NR6A1: variants seen among roughly 807,000 people sequenced by gnomAD.
NR6A1 encodes the protein retinoic acid receptor-related testis-associated receptor.
In NR6A1, 7 loss-of-function variants were observed where a neutral mutation model predicts 59.1. That is an observed-to-expected ratio of 0.12 (90% CI 0.07 to 0.22). The LOEUF (loss-of-function observed/expected upper bound fraction) is 0.22. NR6A1 is among the 10% of genes least tolerant of loss of function. NR6A1 has a pLI of 1.00. For missense variants in NR6A1, 468 were observed against 611.6 expected (o/e 0.77, Z 2.48); for synonymous variants, 243 against 236.1 (o/e 1.03, Z -0.27).
At chr9:124,646,525 A>T (rs1836933881) in intron 2 of NR6A1, among the ~76,000 whole-genome samples, 1 of 152,214 alleles carries the variant, frequency 6.6e-6, no homozygotes, top group Admixed American at 6.5e-5. Context: ...TAATGAATGA[A>T]TAAGTCTATG....
At chr9:124,769,421 G>A (rs1841044412) in intron 1 of NR6A1, among the ~76,000 whole-genome samples, 1 of 152,106 alleles carries the variant, frequency 6.6e-6, no homozygotes, top group African/African-American at 2.4e-5. Flanking sequence ...ATGAAGGCAC[G>A]GATCCAACCC....
intron 2 of NR6A1, among the ~76,000 whole-genome samples, chr9:124,565,183 C>CT (rs1179130521): frequency 6.6e-6 from 1 of 152,098 alleles, no homozygotes; most frequent in African/African-American, 2.4e-5. Context: ...AATCCCAGCA[C>CT]TTTGGGAGGC....
intron 4 of NR6A1, among the ~76,000 whole-genome samples, chr9:124,542,838 G>A (rs1054597879): frequency 2.6e-5 from 4 of 152,164 alleles, no homozygotes; most frequent in African/African-American, 4.8e-5. Flanking sequence ...GATTACAGGC[G>A]TGTGCCACTG....
At chr9:124,622,028 A>G (rs1290265339) in intron 2 of NR6A1, among the ~76,000 whole-genome samples, 1 of 152,192 alleles carries the variant, frequency 6.6e-6, no homozygotes, top group Non-Finnish European at 1.5e-5. Flanking sequence ...AGCCTGGGAA[A>G]CATGGTGAAA....
chr9:124,692,040 A>G (rs976563681), intron 2 of NR6A1, among the ~76,000 whole-genome samples: 1 of 152,188 alleles, frequency 6.6e-6, no homozygotes, highest in African/African-American at 2.4e-5. Flanking sequence ...GCTCCTGGCA[A>G]TGTAACTTTA....
chr9:124,619,614 A>G (rs1836003351), intron 2 of NR6A1, among the ~76,000 whole-genome samples: 1 of 152,164 alleles, frequency 6.6e-6, no homozygotes, highest in South Asian at 2.1e-4. Context: ...GTCTAGAACC[A>G]GAGTATACAT....
chr9:124,723,422 G>C (rs1049784753), intron 2 of NR6A1, among the ~76,000 whole-genome samples: 2 of 152,220 alleles, frequency 1.3e-5, no homozygotes, highest in African/African-American at 2.4e-5. Context: ...AGATGGTAAA[G>C]AAGTCCCGAC....
rs544822660 is a variant in NR6A1 at position 124,589,303 on chromosome 9, G to A, written c.143-34733C>T. The stretch of plus-strand genomic sequence containing the variant: ...CTACTAAAAACACAAAAAATTAGCC[G>A]GGCGCGGTGGCGGGCGCCTGTAGTC... On this transcript the variant is annotated intron_variant, in intron 2 of 9. Coordinates refer to ENST00000487099, the MANE Select transcript of NR6A1 (RefSeq NM_033334.4). 1.2e-3 allele frequency among the ~76,000 whole-genome samples: 190 copies of A among 152,166 alleles called. 1 individual carries two copies. The highest frequency in any genetic ancestry group is 1.8e-3 in the Non-Finnish European group (120 of 67,984).
chr9:124,658,517 C>G (rs1403288567), intron 2 of NR6A1: 1 of 152,054 alleles, frequency 6.6e-6, no homozygotes, highest in African/African-American at 2.4e-5. Flanking sequence ...TTTTAACTGA[C>G]AAACTCATTT....
At chr9:124,567,103 G>A (rs1224632814) in intron 2 of NR6A1, among the ~76,000 whole-genome samples, 8 of 150,002 alleles carry the variant, frequency 5.3e-5, no homozygotes, top group African/African-American at 1.7e-4. Context: ...GCGAGACTCC[G>A]TCTCAAAAAA....
At chr9:124,660,612 TA>T (rs1284048573) in intron 2 of NR6A1, among the ~76,000 whole-genome samples, 3 of 123,824 alleles carry the variant, frequency 2.4e-5, no homozygotes, top group African/African-American at 9.7e-5. Flanking sequence ...AACAGGAAAT[TA>T]CAGGCTCGAT....
In NR6A1 at chr9:124,543,899, C is replaced by T. The variant is rs149637938; in HGVS notation, c.386-42G>A. The T allele has an allele frequency of 4.1e-5, 63 of 1,551,936 alleles. 1 individual carries two copies. In the East Asian group the frequency reaches 1.4e-3, roughly 35 times the overall value. ...GTCAAGAAAGGCAGTCAGAAGCACACTCATATAAGTCTTAGCACAAAAAGA... is the reference window on the plus strand; with the variant it reads ...GTCAAGAAAGGCAGTCAGAAGCACATTCATATAAGTCTTAGCACAAAAAGA... On this transcript the variant is annotated intron_variant, in intron 3 of 9. Transcript: ENST00000487099.
chr9:124,744,270 C>A (rs142427016), intron 1 of NR6A1, among the ~76,000 whole-genome samples: 6 of 152,128 alleles, frequency 3.9e-5, no homozygotes, highest in African/African-American at 1.4e-4. Context: ...TTTCAAAATG[C>A]AAAATACTTA....
intron 2 of NR6A1, among the ~76,000 whole-genome samples, chr9:124,630,213 T>TC (rs1448099579): frequency 1.4e-5 from 2 of 145,140 alleles, no homozygotes; most frequent in East Asian, 4.0e-4. Flanking sequence ...CAAATCAGTT[T>TC]TTTTTTTTTT....
intron 2 of NR6A1, among the ~76,000 whole-genome samples, chr9:124,648,236 C>A (rs4593661): frequency 0.34 from 52,294 of 152,004 alleles, 11,063 homozygotes; most frequent in Non-Finnish European, 0.48. Context: ...ATCCACCACA[C>A]GCCTGTAATC....
At chr9:124,560,266 A>G (rs1413706568) in intron 2 of NR6A1, among the ~76,000 whole-genome samples, 1 of 152,224 alleles carries the variant, frequency 6.6e-6, no homozygotes, top group Non-Finnish European at 1.5e-5. Flanking sequence ...TGGGAAGCAG[A>G]ATGTTGAACC....
chr9:124,581,198 A>T (rs1834753613), intron 2 of NR6A1, among the ~76,000 whole-genome samples: 1 of 152,242 alleles, frequency 6.6e-6, no homozygotes, highest in African/African-American at 2.4e-5. Context: ...ACATGGGAAG[A>T]GGCAAAGATT....
At chr9:124,690,640 T>A (rs1564239264) in intron 2 of NR6A1, among the ~76,000 whole-genome samples, 1 of 151,984 alleles carries the variant, frequency 6.6e-6, no homozygotes, top group Non-Finnish European at 1.5e-5. Flanking sequence ...GCTTAAGGAA[T>A]CCTCCCTCCT....
At chr9:124,664,515 T>G (rs556715781) in intron 2 of NR6A1, among the ~76,000 whole-genome samples, 1 of 152,262 alleles carries the variant, frequency 6.6e-6, no homozygotes, top group Admixed American at 6.5e-5. Context: ...TGCCAGAGGG[T>G]TCTCCATCCT....
Sources: allele counts gnomAD v4.1 joint callset (sites outside exome capture counted in the v4.1 genomes callset), GRCh38; gene constraint gnomAD v4.1.1; transcripts MANE v1.5; gene names NCBI Gene and HGNC (gene_info 2026-07-23, HGNC 2026-07-21).